Variants in CCDC93 observed in about 807,000 individuals in gnomAD.
CCDC93 encodes the protein coiled-coil domain-containing protein 93.
In CCDC93, 61 loss-of-function variants were observed where a neutral mutation model predicts 108.2. The ratio of observed to expected loss-of-function variants is 0.56; its 90% CI spans 0.46 to 0.70. The LOEUF (loss-of-function observed/expected upper bound fraction) is 0.70, where lower values mean the gene tolerates loss of function less well. Among genes scored for constraint, CCDC93 ranks in the 30% least tolerant of loss-of-function variants. The pLI is 0.00. For missense variants in CCDC93, 685 were observed against 764.2 expected, an observed-to-expected ratio of 0.90 and a Z score of 1.22; for synonymous variants, 276 against 260.4, an observed-to-expected ratio of 1.06 and a Z score of -0.58.
chr2:117,996,214 T>C (rs1288645285), intron 5 of CCDC93, 50 bp downstream of exon 5: 3 of 1,227,848 alleles, frequency 2.4e-6, no homozygotes, highest in African/African-American at 3.0e-5. Flanking sequence ...GTCTCTTAAG[T>C]GTGCACTCTG....
rs867353840 is a variant in CCDC93, at chr2:118,005,896, C to T, written c.251+826G>A. Among the ~76,000 whole-genome samples the T allele has an allele frequency of 1.1e-4, 17 of 152,252 alleles. No homozygotes were observed. The Middle Eastern group carries it at 0.01, about 91-fold the overall frequency. On this transcript the variant is annotated intron_variant, in intron 3 of 23. Coordinates refer to ENST00000376300, the MANE Select transcript of CCDC93 (RefSeq NM_019044.5). ...AGTAAATTGCAACATTCCTGATGCT[C>T]AGTTACTCACAGATACCACCTCCAC...
chr2:117,973,431 C>G (rs960327449), intron 11 of CCDC93, among the ~76,000 whole-genome samples: 1 of 135,914 alleles, frequency 7.4e-6, no homozygotes, highest in Non-Finnish European at 1.6e-5. Context: ...AAAAAAAAAG[C>G]AAACTCTGAA....
Position 118,006,805 on chromosome 2 carries a change from T to C in CCDC93, c.168A>G (p.Gly56=), listed in dbSNP as rs764813195. The change falls in exon 3 of 24, where the codon GGA becomes GGG. Residue 56 remains glycine, a synonymous_variant. Coordinates refer to ENST00000376300, the MANE Select transcript of CCDC93 (RefSeq NM_019044.5). ...TGCAAGTGGTGATACACCAAGTCAT[T>C]CCTCCTACTACCTGCAAGACATAAA... ...GLSPFDKVVG[G]MTWCITTCNF... is the part of the protein sequence containing the mutation. 54 of 1,602,328 alleles carry C rather than the reference T, an allele frequency of 3.4e-5. No individual in the cohort carries two copies. The South Asian group carries it at 4.6e-4, about 14-fold the overall frequency.
chr2:117,924,299 G>C (rs1677997209), intron 23 of CCDC93, among the ~76,000 whole-genome samples: 1 of 152,226 alleles, frequency 6.6e-6, no homozygotes, highest in South Asian at 2.1e-4. Context: ...GATGAGTTGA[G>C]AGAAGAACGC....
chr2:117,991,540 A>G (rs1680474871), intron 6 of CCDC93, among the ~76,000 whole-genome samples: 1 of 152,192 alleles, frequency 6.6e-6, no homozygotes, highest in Non-Finnish European at 1.5e-5. Context: ...CTACACAGGG[A>G]ATTTATCAAC....
intron 10 of CCDC93, 73 bp from the exon 11 acceptor site, chr2:117,974,067 T>G (rs1679854452): frequency 3.2e-6 from 3 of 948,366 alleles, no homozygotes; most frequent in Non-Finnish European, 5.0e-6. Flanking sequence ...CTGAACACTC[T>G]ATTATGTCTG....
intron 23 of CCDC93, among the ~76,000 whole-genome samples, chr2:117,929,187 C>A (rs944614943): frequency 6.6e-6 from 1 of 152,136 alleles, no homozygotes; most frequent in Non-Finnish European, 1.5e-5. Flanking sequence ...GTGCAGCACA[C>A]CAACATGGCA....
chr2:117,931,260 T>C (rs1678318010), intron 22 of CCDC93, 110 bp from the exon 23 acceptor site: 1 of 690,308 alleles, frequency 1.4e-6, no homozygotes, highest in East Asian at 2.5e-5. Context: ...TTCCTTACAG[T>C]AGAGGAAGCT....
chr2:117,972,346 G>A (rs1044563005), intron 11 of CCDC93, among the ~76,000 whole-genome samples: 5 of 152,218 alleles, frequency 3.3e-5, no homozygotes, highest in African/African-American at 1.2e-4. Context: ...ATCAGAGTTG[G>A]ATAGAGATCA....
chr2:118,006,489 C>G (rs1487360196), intron 3 of CCDC93, among the ~76,000 whole-genome samples: 3 of 152,228 alleles, frequency 2.0e-5, no homozygotes, highest in African/African-American at 7.2e-5. Flanking sequence ...TCAACTTCCA[C>G]TGATATGAGC....
intron 17 of CCDC93, 35 bp from the exon 18 acceptor site, chr2:117,944,121 T>C (rs1415001645): frequency 2.0e-6 from 3 of 1,484,112 alleles, no homozygotes; most frequent in Admixed American, 4.0e-5. Flanking sequence ...TATCTGGGAA[T>C]AGAAAACTTT....
chr2:117,960,736 C>G (rs1174762060), intron 11 of CCDC93, among the ~76,000 whole-genome samples: 2 of 152,166 alleles, frequency 1.3e-5, no homozygotes, highest in African/African-American at 2.4e-5. Flanking sequence ...AAAACCCTGT[C>G]AGAAGGTCTC....
chr2:118,012,083 G>C (rs1187334372), intron 1 of CCDC93, among the ~76,000 whole-genome samples: 2 of 152,144 alleles, frequency 1.3e-5, no homozygotes, highest in African/African-American at 2.4e-5. Flanking sequence ...CTGGAAGGCA[G>C]GCCAAGTCTA....
chr2:117,993,678 AAC>A (rs1680556980), intron 6 of CCDC93, among the ~76,000 whole-genome samples: 1 of 152,216 alleles, frequency 6.6e-6, no homozygotes, highest in Non-Finnish European at 1.5e-5. Context: ...ATATCCAACT[AAC>A]TGGTTACTAT....
chr2:117,959,869 C>G (rs762334165), intron 11 of CCDC93, among the ~76,000 whole-genome samples: 1 of 152,026 alleles, frequency 6.6e-6, no homozygotes, highest in Admixed American at 6.6e-5. Context: ...TTTGGACGCA[C>G]CAAGATATTC....
Position 117,929,266 on chromosome 2 carries a change from AAAG to A in CCDC93, c.1842+1768_1842+1770del, listed in dbSNP as rs1202007753. Among the ~76,000 whole-genome samples, 11 of 152,376 alleles carry A rather than the reference AAAG, an allele frequency of 7.2e-5. No homozygotes were observed. In the East Asian group the frequency reaches 1.4e-3, roughly 19 times the overall value. On this transcript the variant is annotated intron_variant, in intron 23 of 23. Coordinates refer to ENST00000376300, the MANE Select transcript of CCDC93 (RefSeq NM_019044.5). ...CCTAAAACTTAAAGTATAATAAAAAAAAGAAATATGCAAAAACATATTTCATCC... is the reference window on the plus strand; with the variant it reads ...CCTAAAACTTAAAGTATAATAAAAAAAAATATGCAAAAACATATTTCATCC...
Position 117,949,411 on chromosome 2 carries a change from A to C in CCDC93, c.1069-16T>G. 1 of 1,595,658 alleles carries C rather than the reference A, an allele frequency of 6.3e-7. No individual in the cohort carries two copies. The highest frequency in any genetic ancestry group is 8.6e-7 in the Non-Finnish European group (1 of 1,163,572). On this transcript the variant is annotated splice_polypyrimidine_tract_variant and intron_variant, in intron 13 of 23. Transcript: ENST00000376300. ...AAGTCTTCAGCTGCAAGAGAGAATG[A>C]AGACATGGTTGCTGGAGCCTTGGTA...
At chr2:117,936,247 T>C (rs1316899980) in intron 21 of CCDC93, among the ~76,000 whole-genome samples, 1 of 152,088 alleles carries the variant, frequency 6.6e-6, no homozygotes, top group Non-Finnish European at 1.5e-5. Context: ...ATGGACATGC[T>C]TGAGGGCTTG....
intron 3 of CCDC93, among the ~76,000 whole-genome samples, 191 bp downstream of exon 3, chr2:118,006,531 C>T (rs1424653144): frequency 6.6e-6 from 1 of 152,234 alleles, no homozygotes; most frequent in African/African-American, 2.4e-5. Context: ...GTAGTCACTA[C>T]AAACTTTGAT....
Sources: allele counts gnomAD v4.1 joint callset (sites outside exome capture counted in the v4.1 genomes callset), GRCh38; gene constraint gnomAD v4.1.1; transcripts MANE v1.5; gene names NCBI Gene and HGNC (gene_info 2026-07-23, HGNC 2026-07-21).